GRAMD2B: variants seen among roughly 807,000 people sequenced by gnomAD.
GRAMD2B encodes the protein GRAM domain-containing protein 2B.
GRAMD2B carries 41 observed loss-of-function variants against 59.2 expected under a neutral mutation model. That is an observed-to-expected ratio of 0.69 (90% CI 0.54 to 0.90). The LOEUF is 0.90. Ranked by LOEUF, GRAMD2B falls within the 40% of genes least tolerant of loss-of-function variation. The pLI, the probability that GRAMD2B is intolerant of heterozygous loss-of-function variation, is 0.00. For synonymous variants in GRAMD2B, 161 were observed against 182.7 expected (o/e 0.88, Z 0.96); for missense variants, 424 against 500.5 (o/e 0.85, Z 1.46).
At chr5:126,410,101 A>G (rs1758647229) in intron 1 of GRAMD2B, among the ~76,000 whole-genome samples, 3 of 152,064 alleles carry the variant, frequency 2.0e-5, no homozygotes, top group Admixed American at 1.3e-4. Flanking sequence ...GCCTTGTAGT[A>G]TAGTTTGAAG....
At chr5:126,364,610 G>A (rs1754358124) in intron 1 of GRAMD2B, among the ~76,000 whole-genome samples, 2 of 152,196 alleles carry the variant, frequency 1.3e-5, no homozygotes, top group Non-Finnish European at 2.9e-5. Context: ...AGATTACCAG[G>A]TCAGGAGTGG....
intron 9 of GRAMD2B, among the ~76,000 whole-genome samples, chr5:126,483,922 G>A (rs908313498): frequency 3.9e-5 from 6 of 152,326 alleles, no homozygotes; most frequent in Admixed American, 1.3e-4. Context: ...TCCACCCCCC[G>A]GGTTCAAGCA....
In GRAMD2B at chr5:126,423,451, G is replaced by A. The variant is rs1431458729; in HGVS notation, c.-156G>A. On this transcript the variant is annotated 5_prime_UTR_variant, in exon 1 of 14. Coordinates refer to ENST00000285689, the MANE Select transcript of GRAMD2B (RefSeq NM_023927.4). The stretch of plus-strand genomic sequence containing the variant: ...CGTGTCCAGGTCCGCGGCCCCGGGA[G>A]CTTGGCGCGGCCCGGCCTGGATGCG... 4 of 1,419,530 alleles carry A rather than the reference G, an allele frequency of 2.8e-6. No individual in the cohort carries two copies. The highest frequency in any genetic ancestry group is 3.5e-5 in the Admixed American group (1 of 28,668). 87.9% of individuals were successfully genotyped at this position (1,419,530 alleles called of 1,614,324 possible). A position where few individuals can be genotyped will look rare whatever the true frequency, so the allele number is the denominator to read the frequency against.
intron 1 of GRAMD2B, among the ~76,000 whole-genome samples, chr5:126,396,176 C>A (rs949831793): frequency 1.3e-5 from 2 of 151,912 alleles, no homozygotes; most frequent in Non-Finnish European, 2.9e-5. Flanking sequence ...TTCTTTTTTT[C>A]AATTTAACTT....
intron 1 of GRAMD2B, among the ~76,000 whole-genome samples, chr5:126,375,450 G>T (rs1025766613): frequency 6.6e-6 from 1 of 151,622 alleles, no homozygotes; most frequent in South Asian, 2.1e-4. Flanking sequence ...CTCACTGCAA[G>T]CTCTGCCTTC....
chr5:126,480,703 C>A lies in GRAMD2B; in HGVS notation c.731C>A (p.Pro244His). ...CGAGCAGACCGCCCTTCATCTCTGC[C>A]TCTGGTAAGTTGCCCACATAACTAT... ...SFRADRPSSL[P>H]LDFNDEFSDL... Residue 244 changes from proline to histidine, a missense_variant, in exon 8 of 14, where the codon CCT (proline) becomes CAT (histidine). Pro to His is a moderately conservative substitution (Grantham distance 77). Transcript: ENST00000285689. The A allele has an allele frequency of 6.2e-7, 1 of 1,613,528 alleles. No individual in the cohort carries two copies. The highest frequency in any genetic ancestry group is 8.5e-7 in the Non-Finnish European group (1 of 1,179,464).
chr5:126,377,672 T>TATC (rs1580700162), intron 1 of GRAMD2B, among the ~76,000 whole-genome samples: 2 of 152,346 alleles, frequency 1.3e-5, no homozygotes, highest in East Asian at 3.9e-4. Flanking sequence ...GCACGTAAGT[T>TATC]ATCACTGGCT....
chr5:126,367,729 A>T (rs1249956270), upstream of GRAMD2B, among the ~76,000 whole-genome samples: 1 of 152,294 alleles, frequency 6.6e-6, no homozygotes, highest in Admixed American at 6.5e-5. Flanking sequence ...AAAGAAAACT[A>T]GAGCTTCAGA....
At chr5:126,457,108 C>T (rs1766423898) in intron 1 of GRAMD2B, among the ~76,000 whole-genome samples, 1 of 140,686 alleles carries the variant, frequency 7.1e-6, no homozygotes, top group Non-Finnish European at 1.5e-5. Context: ...GAGAGAATGG[C>T]ATGAATGTGG....
At chr5:126,458,156 C>T (rs4240395) in intron 1 of GRAMD2B, among the ~76,000 whole-genome samples, 123,563 of 151,864 alleles carry the variant, frequency 0.81, 53,438 homozygotes, top group East Asian at 0.99. Flanking sequence ...GGGACTGGGC[C>T]AGGCACAGTG....
At chr5:126,484,632 G>A (rs1347195700) in intron 10 of GRAMD2B, 108 bp downstream of exon 10, 8 of 1,154,294 alleles carry the variant, frequency 6.9e-6, no homozygotes, top group Middle Eastern at 3.1e-4. Context: ...CCAGGCTGCT[G>A]TAGTGCAATA....
rs548992463 is a variant in GRAMD2B at position 126,431,685 on chromosome 5, A to T, written c.83+7996A>T. 7.9e-5 allele frequency among the ~76,000 whole-genome samples: 12 copies of T among 152,324 alleles called. No homozygotes were observed. The South Asian group carries it at 2.5e-3, about 32-fold the overall frequency. ...AAGAGAAGTGGAAATGTGAAGTTGG[A>T]GAAAGTGAGTAAAGAGATGAGGAGA... On this transcript the variant is annotated intron_variant, in intron 1 of 13. Transcript: ENST00000285689.
chr5:126,360,813 T>G (rs1754185456), intron 1 of GRAMD2B, among the ~76,000 whole-genome samples: 1 of 152,106 alleles, frequency 6.6e-6, no homozygotes, highest in African/African-American at 2.4e-5. Flanking sequence ...AGTTGCAATC[T>G]AAGACTCTAT....
intron 1 of GRAMD2B, among the ~76,000 whole-genome samples, chr5:126,408,795 C>T (rs1447026734): frequency 2.0e-5 from 3 of 147,538 alleles, no homozygotes; most frequent in Non-Finnish European, 1.5e-5. Context: ...CCCATTAACT[C>T]GTCATTTAGC....
upstream of GRAMD2B, among the ~76,000 whole-genome samples, chr5:126,419,429 A>C (rs1318134302): frequency 1.3e-5 from 2 of 152,266 alleles, no homozygotes; most frequent in East Asian, 3.9e-4. Flanking sequence ...GGGTGGTGCT[A>C]CACCATTAGA....
intron 1 of GRAMD2B, among the ~76,000 whole-genome samples, chr5:126,402,566 T>C (rs1757927680): frequency 6.6e-6 from 1 of 152,016 alleles, no homozygotes; most frequent in African/African-American, 2.4e-5. Flanking sequence ...ATTTGATACA[T>C]TATCTCTTTG....
At chr5:126,452,369 C>T (rs62394660) in intron 1 of GRAMD2B, among the ~76,000 whole-genome samples, 9,838 of 152,162 alleles carry the variant, frequency 0.065, 481 homozygotes, top group African/African-American at 0.13. Context: ...AATGCCTTCA[C>T]CTCGGGGGTT....
At chr5:126,483,795 A>G (rs964293238) in intron 9 of GRAMD2B, 1 of 521,522 alleles carries the variant, frequency 1.9e-6, no homozygotes, top group Non-Finnish European at 3.4e-6. Context: ...CACATTTAAC[A>G]GAGGTCTTTT....
intron 1 of GRAMD2B, among the ~76,000 whole-genome samples, chr5:126,412,596 T>G (rs997979381): frequency 2.0e-5 from 3 of 152,102 alleles, no homozygotes; most frequent in Non-Finnish European, 4.4e-5. Context: ...TTTACCAGGT[T>G]TTGGTATCAG....
Sources: allele counts gnomAD v4.1 joint callset (sites outside exome capture counted in the v4.1 genomes callset), GRCh38; gene constraint gnomAD v4.1.1; transcripts MANE v1.5; gene names NCBI Gene and HGNC (gene_info 2026-07-23, HGNC 2026-07-21).